MLLT10: variants seen among roughly 807,000 people sequenced by gnomAD.
The protein encoded by MLLT10 is MLLT10 histone lysine methyltransferase DOT1L cofactor, also known as protein AF-10.
A neutral mutation model predicts 129.1 loss-of-function variants in MLLT10; 30 were observed. The ratio of observed to expected loss-of-function variants is 0.23; its 90% CI spans 0.17 to 0.32. The LOEUF (loss-of-function observed/expected upper bound fraction) is 0.32, where lower values mean the gene tolerates loss of function less well. Among genes scored for constraint, MLLT10 ranks in the 10% least tolerant of loss-of-function variants. The pLI is 1.00. For missense variants in MLLT10, 1,119 were observed against 1,268.3 expected (o/e 0.88, Z 1.79); for synonymous variants, 490 against 446.4 (o/e 1.10, Z -1.23).
At chr10:21,608,231 C>T (rs941453714) in intron 5 of MLLT10, among the ~76,000 whole-genome samples, 3 of 151,470 alleles carry the variant, frequency 2.0e-5, no homozygotes, top group Non-Finnish European at 2.9e-5. Flanking sequence ...TGCAGTGGCA[C>T]GATAAAGGCT....
intron 18 of MLLT10, 23 bp from the exon 19 acceptor site, chr10:21,733,479 TTC>T: frequency 7.2e-7 from 1 of 1,385,396 alleles, no homozygotes; most frequent in South Asian, 1.5e-5. Flanking sequence ...GTAAATAGGT[TTC>T]TTTTTGTCTT....
At chr10:21,605,797 C>T (rs1181895955) in intron 5 of MLLT10, among the ~76,000 whole-genome samples, 1 of 152,170 alleles carries the variant, frequency 6.6e-6, no homozygotes, top group Non-Finnish European at 1.5e-5. Context: ...GTAGGGCTTA[C>T]TATCTTTATC....
At chr10:21,668,552 A>G (rs1028232943) in intron 9 of MLLT10, among the ~76,000 whole-genome samples, 1 of 152,114 alleles carries the variant, frequency 6.6e-6, no homozygotes, top group South Asian at 2.1e-4. Flanking sequence ...AAGTCTGATT[A>G]TGTTCTGAAA....
intron 13 of MLLT10, among the ~76,000 whole-genome samples, chr10:21,696,104 A>T (rs1238685226): frequency 6.6e-6 from 1 of 152,044 alleles, no homozygotes; most frequent in Non-Finnish European, 1.5e-5. Flanking sequence ...CATTAAAACC[A>T]AAGTTCATAC....
chr10:21,665,634 T>A (rs2050712009), intron 9 of MLLT10, among the ~76,000 whole-genome samples: 1 of 152,152 alleles, frequency 6.6e-6, no homozygotes, highest in Admixed American at 6.5e-5. Context: ...ATGAGTTTAT[T>A]CATTCATTGT....
At chr10:21,610,984 C>CTTTTTTTTTTTTTTTTTTTTTTCTTT (rs71393913) in intron 5 of MLLT10, among the ~76,000 whole-genome samples, 10 of 102,874 alleles carry the variant, frequency 9.7e-5, no homozygotes, top group African/African-American at 2.5e-4. Context: ...TCTTTTTTCT[C>CTTTTTTTTTTTTTTTTTTTTTTCTTT]TTTTTTTTTT....
At chr10:21,567,452 C>T (rs1003093372) in intron 3 of MLLT10, among the ~76,000 whole-genome samples, 3 of 152,194 alleles carry the variant, frequency 2.0e-5, no homozygotes, top group Non-Finnish European at 4.4e-5. Context: ...TCTGCTACCA[C>T]TCCAGTAGGG....
chr10:21,536,169 G>T (rs1450524591), intron 2 of MLLT10, among the ~76,000 whole-genome samples: 3 of 152,184 alleles, frequency 2.0e-5, no homozygotes, highest in Non-Finnish European at 4.4e-5. Flanking sequence ...TCAAATTCCT[G>T]ACCTCAGGTG....
chr10:21,740,186 A>G lies in MLLT10; in HGVS notation c.3112A>G (p.Thr1038Ala). The G allele has an allele frequency of 6.2e-7, 1 of 1,614,152 alleles. No homozygotes were observed. ...GGCACCCCCACTTCACACAGCTACCACCAACCCATTTCTCACCATCCATGG... is the reference window on the plus strand; with the variant it reads ...GGCACCCCCACTTCACACAGCTACCGCCAACCCATTTCTCACCATCCATGG... ...TQAPPLHTAT[T>A]NPFLTIHGDN... The change falls in exon 22 of 23, where the codon ACC (threonine) becomes GCC (alanine). Residue 1038 changes from threonine to alanine, a missense_variant. Physicochemically the swap from Thr to Ala is moderately conservative, Grantham distance 58. This residue lies in a region of MLLT10 where 1,004 missense variants were observed against 1,008.7 expected (regional missense o/e 1.00). Coordinates refer to ENST00000307729, the MANE Select transcript of MLLT10 (RefSeq NM_001195626.3).
At chr10:21,657,512 C>G (rs1266365563) in intron 9 of MLLT10, among the ~76,000 whole-genome samples, 1 of 151,120 alleles carries the variant, frequency 6.6e-6, no homozygotes, top group Non-Finnish European at 1.5e-5. Context: ...CCACAGTTCT[C>G]TTTTTAAATT....
At chr10:21,733,651 A>T (rs1214805700) in intron 19 of MLLT10, 59 bp downstream of exon 19, 1 of 1,453,616 alleles carries the variant, frequency 6.9e-7, no homozygotes, top group East Asian at 2.4e-5. Flanking sequence ...ATAGTATATT[A>T]AATGGTTTAA....
intron 14 of MLLT10, among the ~76,000 whole-genome samples, chr10:21,718,849 G>A (rs952689951): frequency 3.9e-5 from 6 of 152,114 alleles, no homozygotes; most frequent in Non-Finnish European, 7.4e-5. Flanking sequence ...TCAGCCTCCT[G>A]AGTACCTGGG....
rs562148396 is a variant in MLLT10 at position 21,663,201 on chromosome 10, C to G, written c.796-7248C>G. ...AAAATTCACAAAAGTGTGAGGGTCCCCCAAGACCAGGTCCCCCTGGAGGTT... is the reference window on the plus strand; with the variant it reads ...AAAATTCACAAAAGTGTGAGGGTCCGCCAAGACCAGGTCCCCCTGGAGGTT... On this transcript the variant is annotated intron_variant, in intron 9 of 22. Coordinates refer to ENST00000307729, the MANE Select transcript of MLLT10 (RefSeq NM_001195626.3). Among the ~76,000 whole-genome samples, 29 of 152,258 alleles carry G rather than the reference C, an allele frequency of 1.9e-4. No homozygotes were observed. In the South Asian group the frequency reaches 3.1e-3, roughly 16 times the overall value.
intron 9 of MLLT10, among the ~76,000 whole-genome samples, chr10:21,654,985 C>T (rs1317097385): frequency 6.6e-6 from 1 of 152,062 alleles, no homozygotes; most frequent in Non-Finnish European, 1.5e-5. Context: ...CCAGCCTGGG[C>T]AACTCAGTAA....
At chr10:21,662,370 C>T (rs1330187099) in intron 9 of MLLT10, among the ~76,000 whole-genome samples, 3 of 152,050 alleles carry the variant, frequency 2.0e-5, no homozygotes, top group Non-Finnish European at 2.9e-5. Flanking sequence ...TGTATATGTC[C>T]CAGCATTCAT....
rs1554856125 is a variant in MLLT10 at position 21,704,021 on chromosome 10, T to TTG, written c.1700-9750_1700-9749insGT. 6.1e-4 allele frequency among the ~76,000 whole-genome samples: 78 copies of TTG among 128,858 alleles called. No individual in the cohort carries two copies. In the South Asian group the frequency reaches 7.3e-3, roughly 12 times the overall value. 84.5% of individuals were successfully genotyped at this position (128,858 alleles called of 152,430 possible). On this transcript the variant is annotated intron_variant, in intron 13 of 22. Transcript: ENST00000307729. Reference sequence around the variant, plus strand: ...TTGGATTTCGATTGTTTTTTGTTTTTTTTTTTTTTTTTTTTTTTGATGGAG... The same window carrying TTG: ...TTGGATTTCGATTGTTTTTTGTTTTTTGTTTTTTTTTTTTTTTTTTGATGGAG...
At chr10:21,664,732 C>G (rs987265311) in intron 9 of MLLT10, among the ~76,000 whole-genome samples, 4 of 151,838 alleles carry the variant, frequency 2.6e-5, no homozygotes, top group Non-Finnish European at 4.4e-5. Flanking sequence ...TTATTGTGAG[C>G]GGTGGGTATT....
intron 3 of MLLT10, among the ~76,000 whole-genome samples, chr10:21,554,832 T>G (rs535544942): frequency 5.3e-5 from 8 of 151,770 alleles, no homozygotes; most frequent in Non-Finnish European, 8.8e-5. Flanking sequence ...TTCTTTCTTT[T>G]TTTTTTTTAG....
chr10:21,596,242 T>C (rs535211224), intron 5 of MLLT10, among the ~76,000 whole-genome samples: 1 of 152,250 alleles, frequency 6.6e-6, no homozygotes, highest in East Asian at 1.9e-4. Flanking sequence ...TTGCTTATAG[T>C]ATATGCTTAC....
Sources: gnomAD v4.1 joint callset for allele counts (sites outside exome capture counted in the v4.1 genomes callset) on GRCh38, gnomAD v4.1.1 for gene constraint, gnomAD v4.1.1 regional missense constraint, MANE v1.5 for transcripts, NCBI Gene and HGNC (gene_info 2026-07-23, HGNC 2026-07-21) for gene names.